COL11A2: variants seen among roughly 807,000 people sequenced by gnomAD.
COL11A2 encodes the protein collagen type XI alpha 2 chain.
A neutral mutation model predicts 273.4 loss-of-function variants in COL11A2; 116 were observed. The observed-to-expected ratio is 0.42, with a 90% CI of 0.36 to 0.49. The LOEUF (loss-of-function observed/expected upper bound fraction) is 0.49, where lower values mean the gene tolerates loss of function less well. Among genes scored for constraint, COL11A2 ranks in the 20% least tolerant of loss-of-function variants. COL11A2 has a pLI of 0.00. For missense variants in COL11A2, 1,866 were observed against 2,309.0 expected (o/e 0.81, Z 3.93); for synonymous variants, 782 against 864.2 (o/e 0.90, Z 1.67).
At chr6:33,174,283 AG>A in intron 31 of COL11A2, 65 bp from the exon 32 acceptor site, 1 of 1,545,430 alleles carries the variant, frequency 6.5e-7, no homozygotes. Context: ...GAAGGGGCAA[AG>A]GGGGTCAGGA....
Position 33,171,521 on chromosome 6 carries a change from C to T in COL11A2, c.3204G>A (p.Val1068=). The change falls in exon 43 of 66, where the codon GTG becomes GTA. Residue 1068 remains valine (V), a synonymous_variant. Coordinates refer to ENST00000341947, the MANE Select transcript of COL11A2 (RefSeq NM_080680.3). ...GAGGCCCAGCAGGACCAGGAAGCCC[C>T]ACAGGACCCTGCACTCCATCTCGGC... ...PTGRDGVQGP[V]GLPGPAGPPG... is the part of the protein sequence containing the mutation. The T allele has an allele frequency of 1.2e-6, 2 of 1,614,132 alleles. No individual in the cohort carries two copies. The highest frequency in any genetic ancestry group is 1.7e-6 in the Non-Finnish European group (2 of 1,180,012).
intron 30 of COL11A2, among the ~76,000 whole-genome samples, chr6:33,174,817 G>T (rs1770676561): frequency 6.6e-6 from 1 of 152,022 alleles, no homozygotes; most frequent in South Asian, 2.1e-4. Context: ...TGCGCCTACA[G>T]AGGTATCAGG....
Position 33,164,152 on chromosome 6 carries a change from AGCAGGACG to A in COL11A2, c.5070+107_5070+114del, listed in dbSNP as rs1393629367. ...CTCCCTCAGGCATCCCTGACAATCC[AGCAGGACG>A]GACTCCTCCCTGCTCCCCCTGGGTG... On this transcript the variant is annotated intron_variant, in intron 65 of 65. Coordinates refer to ENST00000341947, the MANE Select transcript of COL11A2 (RefSeq NM_080680.3). The surrounding 1 kb of genome is among the most constrained non-coding windows in gnomAD (Gnocchi z 4.7). 27 of 1,243,780 alleles carry A rather than the reference AGCAGGACG, an allele frequency of 2.2e-5. No individual in the cohort carries two copies. In the African/African-American group the frequency reaches 3.7e-4, roughly 17 times the overall value. The allele number at this position is 1,243,780 out of a possible 1,614,324, so 77.0% of individuals were successfully genotyped here.
rs1343647230 is a variant in COL11A2 at position 33,170,547 on chromosome 6, TCA to T, written c.3528+8_3528+9del. The T allele has an allele frequency of 6.8e-6, 11 of 1,611,354 alleles. No individual in the cohort carries two copies. Among genetic ancestry groups the T allele is most frequent in the Non-Finnish European group, 9.3e-6 (11 of 1,179,584 alleles). On this transcript the variant is annotated splice_region_variant and intron_variant, in intron 47 of 65. Transcript: ENST00000341947. The surrounding 1 kb of genome is among the most constrained non-coding windows in gnomAD (Gnocchi z 4.3). ...GTATGGTGGCTAGGGTCAGTAGGGGTCACACTCACCATAGGACCCACATCTCC... is the reference window on the plus strand; with the variant it reads ...GTATGGTGGCTAGGGTCAGTAGGGGTCACTCACCATAGGACCCACATCTCC...
rs116702160 is a variant in COL11A2 at position 33,178,842 on chromosome 6, T to G, written c.1665+78A>C. ...CTGATCCTGGGGAAGCCTGGAGAAC[T>G]AGGTCATCCCCAAGAAACAACTGAG... On this transcript the variant is annotated intron_variant, in intron 17 of 65. Transcript: ENST00000341947. This position sits in a 1 kb window ranked among gnomAD's most constrained non-coding sequence, Gnocchi z 4.6. 7,781 of 1,606,930 alleles carry G rather than the reference T, an allele frequency of 4.8e-3. 33 individuals carry two copies. Among genetic ancestry groups the G allele is most frequent in the Non-Finnish European group, 5.2e-3 (6,112 of 1,174,552 alleles).
At position 33,171,752 on chromosome 6, in the gene COL11A2, C is replaced by T. The variant is rs146093235; in HGVS notation, c.3111G>A (p.Pro1037=). Residue 1037 remains proline (P), a synonymous_variant, in exon 42 of 66, where the codon CCG becomes CCA. Coordinates refer to ENST00000341947, the MANE Select transcript of COL11A2 (RefSeq NM_080680.3). ...CTCCTGCTGCTCCAGGGGGACCCTG[C>T]GGGCCTGGGCGCCCTGGCGGACCAA... ...GPIGPPGRPG[P]QGPPGAAGEK... is the part of the protein sequence containing the mutation. 101 of 1,612,796 alleles carry T rather than the reference C, an allele frequency of 6.3e-5. No individual in the cohort carries two copies. The highest frequency in any genetic ancestry group is 4.9e-5 in the Non-Finnish European group (58 of 1,179,960).
rs758306963 is a variant in COL11A2 at position 33,165,658 on chromosome 6, G to A, written c.4641C>T (p.Leu1547=). ...GCTCGATCTCCTCCCGCAGGGAGTCGAGTGAGCCAAAGATCTCCTCCAGCC... is the reference window on the plus strand; with the variant it reads ...GCTCGATCTCCTCCCGCAGGGAGTCAAGTGAGCCAAAGATCTCCTCCAGCC... ...PGGLEEIFGS[L]DSLREEIEQM... The change falls in exon 63 of 66, where the codon CTC becomes CTT. Residue 1547 remains leucine (L), a synonymous_variant. Transcript: ENST00000341947. This position sits in a 1 kb window ranked among gnomAD's most constrained non-coding sequence, Gnocchi z 7.7. 1.4e-5 allele frequency: 23 copies of A among 1,612,154 alleles called. No individual in the cohort carries two copies. Among genetic ancestry groups the A allele is most frequent in the Admixed American group, 1.7e-5 (1 of 60,004 alleles).
intron 6 of COL11A2, among the ~76,000 whole-genome samples, chr6:33,185,272 C>T (rs1022071563): frequency 1.3e-5 from 2 of 152,152 alleles, no homozygotes; most frequent in African/African-American, 4.8e-5. Flanking sequence ...GATCTGGATG[C>T]CCCGGCTCTA....
intron 30 of COL11A2, 95 bp from the exon 31 acceptor site, chr6:33,174,675 C>T (rs1470541809): frequency 3.6e-6 from 4 of 1,115,690 alleles, no homozygotes; most frequent in African/African-American, 1.5e-5. Flanking sequence ...AGCCAGCCCC[C>T]ACCCAGCAAC....
chr6:33,177,073 C>T lies in COL11A2; in HGVS notation c.2017-28G>A. On this transcript the variant is annotated intron_variant, in intron 24 of 65. Coordinates refer to ENST00000341947, the MANE Select transcript of COL11A2 (RefSeq NM_080680.3). This position sits in a 1 kb window ranked among gnomAD's most constrained non-coding sequence, Gnocchi z 5.9. ...GCAGGAAGACAAAGAGGCTCAGGGT[C>T]ACTAGAGGGGTCATGTCTGGACACA... 1 of 1,612,592 alleles carries T rather than the reference C, an allele frequency of 6.2e-7. No individual in the cohort carries two copies.
Position 33,167,823 on chromosome 6 carries a change from C to A in COL11A2, c.3990G>T (p.Gly1330=), listed in dbSNP as rs574152442. ...CCTTGGCTCCCTTCCCTCCTTGTCG[C>A]CCCTCGGAACCAGGCGAGCCAGCAG... is the stretch of plus-strand genomic sequence containing the variant. ...RGPAGSPGSE[G]RQGGKGAKGD... Residue 1330 remains glycine (G), a synonymous_variant, in exon 55 of 66, where the codon GGG becomes GGT. Coordinates refer to ENST00000341947, the MANE Select transcript of COL11A2 (RefSeq NM_080680.3). This position sits in a 1 kb window ranked among gnomAD's most constrained non-coding sequence, Gnocchi z 6.1. 1 of 1,612,850 alleles carries A rather than the reference C, an allele frequency of 6.2e-7. No homozygotes were observed. Among genetic ancestry groups the A allele is most frequent in the Non-Finnish European group, 8.5e-7 (1 of 1,179,952 alleles).
At chr6:33,186,130 A>C in intron 5 of COL11A2, among the ~76,000 whole-genome samples, 4 of 143,618 alleles carry the variant, frequency 2.8e-5, no homozygotes, top group Admixed American at 6.9e-5. Flanking sequence ...TCCCCCTACT[A>C]CCTCCCCTTT....
In COL11A2 at chr6:33,170,056, AGGGGGACCCAGGTTCCCAACACCTCCT is replaced by A; in HGVS notation, c.3600_3626del (p.Gly1202_Gly1210del). On this transcript the variant is annotated inframe_deletion, in exon 49 of 66. Coordinates refer to ENST00000341947, the MANE Select transcript of COL11A2 (RefSeq NM_080680.3). The surrounding 1 kb of genome is among the most constrained non-coding windows in gnomAD (Gnocchi z 4.3). ...CCCCCTTCCCAGTTACCTTCTCTCC[AGGGGGACCCAGGTTCCCAACACCTCCT>A]GGGGGACCTTGTGGGCCCTGGAAGA... 1 of 1,612,888 alleles carries A rather than the reference AGGGGGACCCAGGTTCCCAACACCTCCT, an allele frequency of 6.2e-7. No individual in the cohort carries two copies. The highest frequency in any genetic ancestry group is 8.5e-7 in the Non-Finnish European group (1 of 1,179,948).
upstream of COL11A2, chr6:33,192,509 C>T: frequency 1.9e-6 from 1 of 537,134 alleles, no homozygotes; most frequent in Non-Finnish European, 3.3e-6. Context: ...ACCTCGCCCC[C>T]GCCCCCGGCC....
chr6:33,178,079 A>G lies in COL11A2; in HGVS notation c.1872+53T>C. ...CAGGAAGGCAGCTAGAAAGGTGGAG[A>G]GTTGGAGAGGTCAAGGGGTCACCTC... On this transcript the variant is annotated intron_variant, in intron 21 of 65. Transcript: ENST00000341947. The surrounding 1 kb of genome is among the most constrained non-coding windows in gnomAD (Gnocchi z 4.6). 2 of 1,547,836 alleles carry G rather than the reference A, an allele frequency of 1.3e-6. No individual in the cohort carries two copies. Among genetic ancestry groups the G allele is most frequent in the Non-Finnish European group, 1.8e-6 (2 of 1,130,906 alleles).
Position 33,175,588 on chromosome 6 carries a change from G to C in COL11A2, c.2362C>G (p.Leu788Val), listed in dbSNP as rs1228070542. The C allele has an allele frequency of 2.5e-6, 4 of 1,612,652 alleles. No individual in the cohort carries two copies. The highest frequency in any genetic ancestry group is 3.4e-6 in the Non-Finnish European group (4 of 1,179,794). The change falls in exon 30 of 66, where the codon CTC (leucine) becomes GTC (valine). Residue 788 changes from leucine to valine, a missense_variant. Transcript: ENST00000341947. ...GPTGDPGPPG[L>V]MGEKGKLGVP... is the part of the protein sequence containing the mutation. ...CATCCCATCACCTTCTCGCCCATGA[G>C]CCCTGGGGGCCCAGGGTCTCCAGTC...
chr6:33,168,559 G>A lies in COL11A2; in HGVS notation c.3920C>T (p.Pro1307Leu). ...CCCTGGGGGTCCATTCTCCCCGGTG[G>A]GACCAGGGGATCCCTAGGGAGAGAG... is the stretch of plus-strand genomic sequence containing the variant. ...GEPGQPGSPGPTGENGPPGPL... is the reference protein window; with the variant it reads ...GEPGQPGSPGLTGENGPPGPL... The change falls in exon 54 of 66, where the codon CCC becomes CTC. Residue 1307 changes from proline (P) to leucine (L), a missense_variant. By Grantham distance (98) the Pro-to-Leu change is moderately conservative (BLOSUM62 -3). Coordinates refer to ENST00000341947, the MANE Select transcript of COL11A2 (RefSeq NM_080680.3). 1 of 1,613,666 alleles carries A rather than the reference G, an allele frequency of 6.2e-7. No homozygotes were observed. Among genetic ancestry groups the A allele is most frequent in the Non-Finnish European group, 8.5e-7 (1 of 1,179,896 alleles).
Position 33,170,622 on chromosome 6 carries a change from T to C in COL11A2, c.3475-12A>G, listed in dbSNP as rs188137990. The C allele has an allele frequency of 3.7e-6, 6 of 1,612,398 alleles. No individual in the cohort carries two copies. The Admixed American group carries it at 6.7e-5, about 18-fold the overall frequency. On this transcript the variant is annotated splice_polypyrimidine_tract_variant and intron_variant, in intron 46 of 65. Coordinates refer to ENST00000341947, the MANE Select transcript of COL11A2 (RefSeq NM_080680.3). This position sits in a 1 kb window ranked among gnomAD's most constrained non-coding sequence, Gnocchi z 4.3. ...GGGCCTGGCAAACCCTGTGCAAGTA[T>C]ACAAAACATGGGCCCAGGTGACGAC...
In COL11A2 at chr6:33,173,797, C is replaced by A; in HGVS notation, c.2584-52G>T. ...TGGGAAGAGCTGCTTTCCAGCTGTC[C>A]CCGAGGTCAGGATGTTGAGGGAGAG... On this transcript the variant is annotated intron_variant, in intron 34 of 65. Coordinates refer to ENST00000341947, the MANE Select transcript of COL11A2 (RefSeq NM_080680.3). The surrounding 1 kb of genome is among the most constrained non-coding windows in gnomAD (Gnocchi z 6.3). 1 of 1,608,896 alleles carries A rather than the reference C, an allele frequency of 6.2e-7. No individual in the cohort carries two copies. Among genetic ancestry groups the A allele is most frequent in the Non-Finnish European group, 8.5e-7 (1 of 1,175,938 alleles).
Sources: gnomAD v4.1 joint callset for allele counts (sites outside exome capture counted in the v4.1 genomes callset) on GRCh38, gnomAD v4.1.1 for gene constraint, Gnocchi (gnomAD v3.1) non-coding constraint, MANE v1.5 for transcripts, NCBI Gene and HGNC (gene_info 2026-07-23, HGNC 2026-07-21) for gene names.